The following MED13 variants were observed in gnomAD, a reference collection of about 807,000 sequenced individuals.
The protein encoded by MED13 is mediator of RNA polymerase II transcription subunit 13.
MED13 carries 23 observed loss-of-function variants against 225.2 expected under a neutral mutation model. The ratio of observed to expected loss-of-function variants is 0.10; its 90% confidence interval spans 0.07 to 0.14. The LOEUF (loss-of-function observed/expected upper bound fraction) is 0.14, where lower values mean the gene tolerates loss of function less well. Among genes scored for constraint, MED13 ranks in the 10% least tolerant of loss-of-function variants. The pLI is 1.00. For synonymous variants in MED13, 942 were observed against 889.2 expected, an observed-to-expected ratio of 1.06 and a Z score of -1.06; for missense variants, 2,197 against 2,594.5, an observed-to-expected ratio of 0.85 and a Z score of 3.33.
At chr17:62,014,251 G>T (rs992724845) in intron 8 of MED13, among the ~76,000 whole-genome samples, 1 of 151,230 alleles carries the variant, frequency 6.6e-6, no homozygotes, top group Admixed American at 6.6e-5. Flanking sequence ...CAAGCCCCCA[G>T]ATCAGCACTG....
chr17:62,012,235 A>ACAAAG (rs755633215), intron 8 of MED13, among the ~76,000 whole-genome samples: 14 of 151,748 alleles, frequency 9.2e-5, no homozygotes, highest in Non-Finnish European at 1.6e-4. Flanking sequence ...AAAAACAAAA[A>ACAAAG]CAAACAAAAA....
intron 9 of MED13, among the ~76,000 whole-genome samples, chr17:62,008,339 A>AAAAAAAAAAC (rs2080474237): frequency 6.6e-6 from 1 of 150,484 alleles, no homozygotes; most frequent in Admixed American, 6.6e-5. Flanking sequence ...AAAAAAAAAA[A>AAAAAAAAAAC]AAAATTGAGT....
At chr17:61,983,154 A>ATG (rs767511003) in intron 15 of MED13, 40 bp from the exon 16 acceptor site, 27 of 1,443,582 alleles carry the variant, frequency 1.9e-5, no homozygotes, top group Admixed American at 7.0e-5. Flanking sequence ...ATATATATAT[A>ATG]AAGGAACATA....
At chr17:61,962,243 G>C (rs150703071) in intron 21 of MED13, among the ~76,000 whole-genome samples, 2 of 151,966 alleles carry the variant, frequency 1.3e-5, no homozygotes, top group African/African-American at 4.8e-5. Flanking sequence ...CCGAGATCAC[G>C]CCACTGCACT....
intron 2 of MED13, among the ~76,000 whole-genome samples, chr17:62,062,633 G>C (rs1326978681): frequency 1.2e-4 from 17 of 147,492 alleles, no homozygotes; most frequent in Non-Finnish European, 3.0e-5. Context: ...CACACGGATA[G>C]TTACATTTCC....
intron 1 of MED13, 32 bp downstream of exon 1, chr17:62,065,108 C>A (rs1356443670): frequency 5.3e-6 from 8 of 1,521,742 alleles, no homozygotes; most frequent in Non-Finnish European, 7.1e-6. Context: ...CGCGGCCCCC[C>A]TCCCTCGGCG....
chr17:61,952,875 T>C (rs1045276606), intron 27 of MED13, 90 bp downstream of exon 27: 6 of 1,423,618 alleles, frequency 4.2e-6, no homozygotes, highest in African/African-American at 1.4e-5. Flanking sequence ...GACCTCGTGA[T>C]CCACCTGCTT....
chr17:61,992,064 G>C (rs903939268), intron 11 of MED13, among the ~76,000 whole-genome samples: 39 of 152,196 alleles, frequency 2.6e-4, no homozygotes, highest in Non-Finnish European at 2.6e-4. Context: ...CAAACACTTG[G>C]AGTTATGATG....
Position 61,946,175 on chromosome 17 carries a change from G to A in MED13, c.*293C>T. ...TTCATTTAACATGACTGGGTACTATGGCTCATTACTTTTCACAAATACTGT... is the reference window on the plus strand; with the variant it reads ...TTCATTTAACATGACTGGGTACTATAGCTCATTACTTTTCACAAATACTGT... On this transcript the variant is annotated 3_prime_UTR_variant, in exon 30 of 30. Transcript: ENST00000397786. The A allele has an allele frequency of 7.6e-6, 2 of 264,234 alleles. No individual in the cohort carries two copies. Among genetic ancestry groups the A allele is most frequent in the Non-Finnish European group, 1.5e-5 (2 of 137,766 alleles). 16.4% of individuals were successfully genotyped at this position (264,234 alleles called of 1,614,324 possible).
chr17:62,028,723 T>C (rs897230428), intron 8 of MED13, among the ~76,000 whole-genome samples: 3 of 151,034 alleles, frequency 2.0e-5, no homozygotes, highest in South Asian at 2.1e-4. Flanking sequence ...CGGGCGCCTG[T>C]AGTCCCAGCT....
chr17:62,002,811 T>C (rs1334138564), intron 9 of MED13, among the ~76,000 whole-genome samples: 1 of 152,244 alleles, frequency 6.6e-6, no homozygotes, highest in African/African-American at 2.4e-5. Context: ...ATGAAGTCAA[T>C]CAGTAAACAC....
intron 3 of MED13, among the ~76,000 whole-genome samples, chr17:62,048,398 CAAAAAAA>C (rs555420453): frequency 1.4e-3 from 97 of 68,096 alleles, no homozygotes; most frequent in South Asian, 2.9e-3. Context: ...GAGACTGTTT[CAAAAAAA>C]AAAAAAAAAA....
At chr17:61,969,861 CA>C (rs2080091783) in intron 17 of MED13, among the ~76,000 whole-genome samples, 1 of 152,080 alleles carries the variant, frequency 6.6e-6, no homozygotes, top group Non-Finnish European at 1.5e-5. Flanking sequence ...CTCGGCCTCC[CA>C]AAGTGCTGGG....
At chr17:62,053,047 T>C (rs771578640) in intron 2 of MED13, among the ~76,000 whole-genome samples, 23 of 152,244 alleles carry the variant, frequency 1.5e-4, no homozygotes, top group Non-Finnish European at 1.6e-4. Flanking sequence ...TCTACACCTA[T>C]GATGCCAATT....
At chr17:61,954,168 T>TA (rs1230904595) in intron 26 of MED13, among the ~76,000 whole-genome samples, 1 of 152,186 alleles carries the variant, frequency 6.6e-6, no homozygotes, top group Admixed American at 6.5e-5. Context: ...TGTTCTTTAT[T>TA]AAGTAAAATA....
chr17:61,957,104 T>C (rs1464990884), intron 23 of MED13, among the ~76,000 whole-genome samples: 1 of 152,150 alleles, frequency 6.6e-6, no homozygotes, highest in African/African-American at 2.4e-5. Flanking sequence ...TGGAGTGCAG[T>C]GGCACAATCT....
intron 28 of MED13, 63 bp downstream of exon 28, chr17:61,950,762 T>C (rs2079889991): frequency 6.6e-7 from 1 of 1,504,582 alleles, no homozygotes; most frequent in African/African-American, 1.4e-5. Flanking sequence ...GCCACTTCTA[T>C]ATTTCTCAGG....
chr17:61,955,320 T>A (rs767399348), intron 26 of MED13, 62 bp downstream of exon 26: 1 of 1,315,666 alleles, frequency 7.6e-7, no homozygotes, highest in Admixed American at 2.7e-5. Flanking sequence ...GTTTCAGGTA[T>A]TGGACATGAA....
intron 8 of MED13, among the ~76,000 whole-genome samples, chr17:62,015,155 T>C (rs903717274): frequency 2.0e-5 from 3 of 152,178 alleles, no homozygotes; most frequent in African/African-American, 7.2e-5. Flanking sequence ...TCAAATAAAC[T>C]ATCTACAAAA....
Sources: gnomAD v4.1 joint callset for allele counts (sites outside exome capture counted in the v4.1 genomes callset) on GRCh38, gnomAD v4.1.1 for gene constraint, MANE v1.5 for transcripts, NCBI Gene and HGNC (gene_info 2026-07-23, HGNC 2026-07-21) for gene names.